The following FMNL3 variants were observed in gnomAD, a reference collection of about 807,000 sequenced individuals.
The protein encoded by FMNL3 is formin-like protein 3.
Under a neutral mutation model 119.6 loss-of-function variants are expected in FMNL3, and 57 were observed. That is an observed-to-expected ratio of 0.48 (90% CI 0.39 to 0.59). The LOEUF (loss-of-function observed/expected upper bound fraction) is 0.59, where lower values mean the gene tolerates loss of function less well. Among genes scored for constraint, FMNL3 ranks in the 20% least tolerant of loss-of-function variants. The pLI is 0.00. For missense variants in FMNL3, 1,053 were observed against 1,323.5 expected, an observed-to-expected ratio of 0.80 and a Z score of 3.17; for synonymous variants, 491 against 507.3, an observed-to-expected ratio of 0.97 and a Z score of 0.43.
rs771772303 is a variant in FMNL3, at chr12:49,656,387, G to A, written c.885+17C>T. The A allele has an allele frequency of 4.3e-5, 69 of 1,608,708 alleles. No individual in the cohort carries two copies. The highest frequency in any genetic ancestry group is 5.7e-5 in the Non-Finnish European group (67 of 1,176,036). On this transcript the variant is annotated intron_variant, in intron 9 of 25. Coordinates refer to ENST00000335154, the MANE Select transcript of FMNL3 (RefSeq NM_175736.5). ...CCCGCAAACACACACACACACACGC[G>A]AAGCGAAAAGACTGACCTCTTTGAA...
At position 49,639,071 on chromosome 12, in the gene FMNL3, G is replaced by C. The variant is rs1942247919; in HGVS notation, c.*6744C>G. 6.6e-6 allele frequency: 1 copy of C among 152,200 alleles called. No homozygotes were observed. Among genetic ancestry groups the C allele is most frequent in the South Asian group, 2.1e-4 (1 of 4,834 alleles). 9.4% of individuals were successfully genotyped at this position (152,200 alleles called of 1,614,324 possible). A position where few individuals can be genotyped will look rare whatever the true frequency, so the allele number is the denominator to read the frequency against. On this transcript the variant is annotated 3_prime_UTR_variant, in exon 26 of 26. Transcript: ENST00000335154. ...TCTCTGGAACCACATGCCCCAGCTT[G>C]GAAGTAGAGCCCTGCATGTAAAGTG...
Position 49,647,653 on chromosome 12 carries a change from C to G in FMNL3, c.2778+50G>C. ...ACTTTAAGCCCAGGCTTCTCTCCCC[C>G]AGCCAGTTTTCTCGCAACCAAACTT... is the stretch of plus-strand genomic sequence containing the variant. On this transcript the variant is annotated intron_variant, in intron 23 of 25. Coordinates refer to ENST00000335154, the MANE Select transcript of FMNL3 (RefSeq NM_175736.5). This position sits in a 1 kb window ranked among gnomAD's most constrained non-coding sequence, Gnocchi z 4.9. The G allele has an allele frequency of 6.5e-7, 1 of 1,526,760 alleles. No homozygotes were observed. The highest frequency in any genetic ancestry group is 9.1e-7 in the Non-Finnish European group (1 of 1,101,836). 94.6% of individuals were successfully genotyped at this position (1,526,760 alleles called of 1,614,324 possible). A position where few individuals can be genotyped will look rare whatever the true frequency, so the allele number is the denominator to read the frequency against.
At chr12:49,651,867 C>T in intron 14 of FMNL3, 66 bp downstream of exon 14, 1 of 1,473,060 alleles carries the variant, frequency 6.8e-7, no homozygotes, top group Admixed American at 2.5e-5. Context: ...GAAGACACTG[C>T]TGACTACAGT....
intron 1 of FMNL3, among the ~76,000 whole-genome samples, chr12:49,691,222 T>C (rs1944591868): frequency 6.6e-6 from 1 of 152,242 alleles, no homozygotes; most frequent in Admixed American, 6.5e-5. Context: ...AATGAGATAA[T>C]GTGTGTAAAG....
intron 1 of FMNL3, among the ~76,000 whole-genome samples, chr12:49,696,991 A>C (rs544598803): frequency 4.6e-5 from 7 of 152,112 alleles, no homozygotes; most frequent in Admixed American, 2.0e-4. Context: ...GGTCTTTAAA[A>C]CTCCCAAAAT....
intron 4 of FMNL3, among the ~76,000 whole-genome samples, chr12:49,664,916 C>G (rs1943845266): frequency 6.6e-6 from 1 of 152,078 alleles, no homozygotes; most frequent in African/African-American, 2.4e-5. Flanking sequence ...TGTCAGGAAG[C>G]CTGGGCACCC....
chr12:49,697,466 G>A lies in FMNL3; in HGVS notation c.126+9589C>T, dbSNP rs187447445. Among the ~76,000 whole-genome samples the A allele has an allele frequency of 7.2e-5, 11 of 152,250 alleles. No homozygotes were observed. In the East Asian group the frequency reaches 2.1e-3, roughly 29 times the overall value. ...AGGGGTGCCAATCACATTTTGGGCA[G>A]GATCCTTCTTCATTGTGTGGGACTC... On this transcript the variant is annotated intron_variant, in intron 1 of 25. Transcript: ENST00000335154.
intron 10 of FMNL3, among the ~76,000 whole-genome samples, chr12:49,654,635 C>T (rs1943514539): frequency 6.6e-6 from 1 of 151,924 alleles, no homozygotes; most frequent in African/African-American, 2.4e-5. Flanking sequence ...AGAGGAAGAG[C>T]TTAGGAAAGG....
intron 4 of FMNL3, among the ~76,000 whole-genome samples, chr12:49,663,244 T>C (rs1451700558): frequency 3.3e-5 from 5 of 152,218 alleles, no homozygotes; most frequent in Non-Finnish European, 7.3e-5. Context: ...TTTCGGGATC[T>C]TGACACTTTG....
At chr12:49,678,913 T>A (rs143514945) in intron 1 of FMNL3, among the ~76,000 whole-genome samples, 162 of 152,246 alleles carry the variant, frequency 1.1e-3, no homozygotes, top group Non-Finnish European at 2.1e-3. Flanking sequence ...AGTGATTTAC[T>A]ACAAAGGCAT....
intron 1 of FMNL3, among the ~76,000 whole-genome samples, chr12:49,687,730 GAATA>G (rs1203301539): frequency 6.6e-6 from 1 of 152,200 alleles, no homozygotes; most frequent in African/African-American, 2.4e-5. Flanking sequence ...GTTGTTGAAT[GAATA>G]AACGAGTGAT....
rs1156569816 is a variant in FMNL3 at position 49,654,227 on chromosome 12, C to T, written c.1036G>A (p.Glu346Lys). ...TCCTCTAGCCCCAGCTTGGTAAACTCATACTGCAGGTGGACCCGGAAGTTC... is the reference window on the plus strand; with the variant it reads ...TCCTCTAGCCCCAGCTTGGTAAACTTATACTGCAGGTGGACCCGGAAGTTC... ...DMNFRVHLQY[E>K]FTKLGLEEFL... Residue 346 changes from glutamate (E) to lysine (K), a missense_variant, in exon 11 of 26, where the codon GAG (glutamate) becomes AAG (lysine). Glu to Lys is a moderately conservative substitution (Grantham distance 56, BLOSUM62 1). Around this residue, in one of 4 missense-constraint regions of FMNL3, gnomAD observed 445 missense variants for 628.4 expected, o/e 0.71. Transcript: ENST00000335154. 6.2e-7 allele frequency: 1 copy of T among 1,614,194 alleles called. No homozygotes were observed. Among genetic ancestry groups the T allele is most frequent in the East Asian group, 2.2e-5 (1 of 44,880 alleles).
intron 2 of FMNL3, 60 bp from the exon 3 acceptor site, chr12:49,666,267 C>T: frequency 6.8e-7 from 1 of 1,467,420 alleles, no homozygotes; most frequent in Non-Finnish European, 9.4e-7. Context: ...GAGGAGGGCA[C>T]TGAGGAAGAA....
In FMNL3 at chr12:49,647,012, A is replaced by T; in HGVS notation, c.2872-3T>A. ...CACTTGTTCCGCTGGGATGGGGTCT[A>T]GGGCCAAGAATGTGGAGGGGAAGGA... On this transcript the variant is annotated splice_region_variant and splice_polypyrimidine_tract_variant and intron_variant, in intron 24 of 25. Coordinates refer to ENST00000335154, the MANE Select transcript of FMNL3 (RefSeq NM_175736.5). This position sits in a 1 kb window ranked among gnomAD's most constrained non-coding sequence, Gnocchi z 4.9. 6.3e-7 allele frequency: 1 copy of T among 1,597,564 alleles called. No individual in the cohort carries two copies. The highest frequency in any genetic ancestry group is 8.5e-7 in the Non-Finnish European group (1 of 1,178,392).
At chr12:49,682,444 T>TA (rs1436880551) in intron 1 of FMNL3, among the ~76,000 whole-genome samples, 2 of 152,130 alleles carry the variant, frequency 1.3e-5, no homozygotes, top group African/African-American at 4.8e-5. Flanking sequence ...CCTGGACTGT[T>TA]ACAATCCTCC....
chr12:49,642,911 C>T lies in FMNL3; in HGVS notation c.*2904G>A. The T allele has an allele frequency of 6.2e-7, 1 of 1,607,802 alleles. No homozygotes were observed. Among genetic ancestry groups the T allele is most frequent in the Non-Finnish European group, 8.5e-7 (1 of 1,176,544 alleles). ...TAAGTCTGGTGCTGTCCTCACCCTTCTTCCTCTGCCTCTAGCAGACTGAAT... is the reference window on the plus strand; with the variant it reads ...TAAGTCTGGTGCTGTCCTCACCCTTTTTCCTCTGCCTCTAGCAGACTGAAT... On this transcript the variant is annotated 3_prime_UTR_variant, in exon 26 of 26. Coordinates refer to ENST00000335154, the MANE Select transcript of FMNL3 (RefSeq NM_175736.5). The surrounding 1 kb of genome is among the most constrained non-coding windows in gnomAD (Gnocchi z 5.8).
intron 11 of FMNL3, 48 bp from the exon 12 acceptor site, chr12:49,653,922 A>C: frequency 6.2e-7 from 1 of 1,601,474 alleles, no homozygotes; most frequent in South Asian, 1.1e-5. Context: ...CAGGCAGATC[A>C]TCAGGGGAAC....
chr12:49,688,137 G>A (rs186049822), intron 1 of FMNL3, among the ~76,000 whole-genome samples: 2 of 152,162 alleles, frequency 1.3e-5, no homozygotes, highest in Middle Eastern at 3.2e-3. Flanking sequence ...CAAACACTGG[G>A]GCCAGCCTAG....
chr12:49,656,852 A>G lies in FMNL3; in HGVS notation c.762T>C (p.Ile254=). The G allele has an allele frequency of 6.2e-7, 1 of 1,614,154 alleles. No homozygotes were observed. The highest frequency in any genetic ancestry group is 8.5e-7 in the Non-Finnish European group (1 of 1,180,010). Reference sequence around the variant, plus strand: ...GATTCTTGTTATTGAGGCTAAGTGCAATCTCATTGACAGCATGGGGGTGGG... The same window carrying G: ...GATTCTTGTTATTGAGGCTAAGTGCGATCTCATTGACAGCATGGGGGTGGG... The part of the protein sequence containing the change: ...VMSHPHAVNE[I]ALSLNNKNPR... Residue 254 remains isoleucine (I), a synonymous_variant, in exon 8 of 26, where the codon ATT becomes ATC. Coordinates refer to ENST00000335154, the MANE Select transcript of FMNL3 (RefSeq NM_175736.5).
Sources: gnomAD v4.1 joint callset for allele counts (sites outside exome capture counted in the v4.1 genomes callset) on GRCh38, gnomAD v4.1.1 for gene constraint, gnomAD v4.1.1 regional missense constraint, Gnocchi (gnomAD v3.1) non-coding constraint, MANE v1.5 for transcripts, NCBI Gene and HGNC (gene_info 2026-07-23, HGNC 2026-07-21) for gene names.